CAMK4: variants seen among roughly 807,000 people sequenced by gnomAD.
CAMK4 encodes the protein calcium/calmodulin dependent protein kinase IV.
Under a neutral mutation model 44.9 loss-of-function variants are expected in CAMK4, and 22 were observed. The observed-to-expected ratio is 0.49, with a 90% confidence interval of 0.35 to 0.70. The LOEUF is 0.70. Among genes scored for constraint, CAMK4 ranks in the 30% least tolerant of loss-of-function variants. The probability of loss-of-function intolerance (pLI) is 0.01; values close to 1 mark genes in which losing one functional copy is unlikely to be tolerated. For missense variants in CAMK4, 498 were observed against 586.8 expected (o/e 0.85, Z 1.56); for synonymous variants, 218 against 215.4 (o/e 1.01, Z -0.11).
rs542504154 is a variant in CAMK4 at position 111,314,494 on chromosome 5, A to G, written c.162-29530A>G. On this transcript the variant is annotated intron_variant, in intron 1 of 10. Coordinates refer to ENST00000282356, the MANE Select transcript of CAMK4 (RefSeq NM_001744.6). ...ATTTCAAAAGTTTGCTTAATTAACT[A>G]ATAAATTTAACAGTGCCTTTAATTC... Among the ~76,000 whole-genome samples the G allele has an allele frequency of 9.9e-5, 15 of 152,202 alleles. No homozygotes were observed. In the East Asian group the frequency reaches 2.9e-3, roughly 29 times the overall value.
At chr5:111,266,680 A>G (rs756771267) in intron 1 of CAMK4, among the ~76,000 whole-genome samples, 5 of 152,194 alleles carry the variant, frequency 3.3e-5, no homozygotes, top group Non-Finnish European at 7.3e-5. Flanking sequence ...CGTTTTGGAG[A>G]TGTTTTGCCA....
intron 5 of CAMK4, among the ~76,000 whole-genome samples, chr5:111,403,622 A>G (rs142413816): frequency 1.0e-3 from 152 of 152,292 alleles, no homozygotes; most frequent in Non-Finnish European, 8.8e-5. Context: ...TAATATTTTG[A>G]TTTATAGACA....
At chr5:111,233,538 T>A (rs555752823) in intron 1 of CAMK4, among the ~76,000 whole-genome samples, 1 of 152,342 alleles carries the variant, frequency 6.6e-6, no homozygotes, top group Non-Finnish European at 1.5e-5. Flanking sequence ...ACAATGTTCA[T>A]ATCAAAAGAC....
intron 2 of CAMK4, among the ~76,000 whole-genome samples, chr5:111,360,088 C>T (rs1029054828): frequency 6.6e-6 from 1 of 152,050 alleles, no homozygotes; most frequent in Admixed American, 6.6e-5. Flanking sequence ...TTTTCTACAA[C>T]AGCATTTACT....
intron 5 of CAMK4, among the ~76,000 whole-genome samples, chr5:111,424,158 A>G (rs1234786703): frequency 6.6e-6 from 1 of 152,190 alleles, no homozygotes; most frequent in Non-Finnish European, 1.5e-5. Flanking sequence ...AGACCTAACC[A>G]TGGTAGGAAT....
At chr5:111,469,059 G>A (rs1354431716) in intron 7 of CAMK4, among the ~76,000 whole-genome samples, 2 of 147,894 alleles carry the variant, frequency 1.4e-5, no homozygotes, top group Non-Finnish European at 3.0e-5. Context: ...CACGAGAAGC[G>A]CTTGAACCCA....
chr5:111,382,997 G>A (rs866757049), intron 4 of CAMK4, among the ~76,000 whole-genome samples: 1 of 152,014 alleles, frequency 6.6e-6, no homozygotes. Context: ...ACTTTGATTT[G>A]GACTAGACTT....
intron 1 of CAMK4, among the ~76,000 whole-genome samples, chr5:111,282,124 A>G (rs1751049666): frequency 6.6e-6 from 1 of 152,026 alleles, no homozygotes. Context: ...TTTTTTCTTC[A>G]TTGCATTGTT....
At chr5:111,352,630 A>C (rs1279278852) in intron 2 of CAMK4, among the ~76,000 whole-genome samples, 3 of 116,390 alleles carry the variant, frequency 2.6e-5, no homozygotes. Flanking sequence ...AACTCATGGC[A>C]GAATAGCAGA....
chr5:111,333,221 G>T (rs2112726568), intron 1 of CAMK4, among the ~76,000 whole-genome samples: 1 of 151,580 alleles, frequency 6.6e-6, no homozygotes, highest in South Asian at 2.1e-4. Flanking sequence ...GAGGATAAAG[G>T]TTAAAAAAGA....
At chr5:111,368,461 A>T (rs1329438466) in intron 2 of CAMK4, among the ~76,000 whole-genome samples, 1 of 152,178 alleles carries the variant, frequency 6.6e-6, no homozygotes, top group African/African-American at 2.4e-5. Context: ...TTGAAAGGAG[A>T]TGGCTATCAA....
At chr5:111,338,293 A>G (rs1258480758) in intron 1 of CAMK4, among the ~76,000 whole-genome samples, 1 of 151,190 alleles carries the variant, frequency 6.6e-6, no homozygotes. Flanking sequence ...CATTATTATT[A>G]ACTATATTAT....
chr5:111,485,152 G>A lies in CAMK4; in HGVS notation c.*686G>A, dbSNP rs150910008. ...CTGCCATTTTACAACCCTGGAGGAA[G>A]TAATTTACAAACTCACGCTGAGTTC... On this transcript the variant is annotated 3_prime_UTR_variant, in exon 11 of 11. Transcript: ENST00000282356. The A allele has an allele frequency of 2.0e-5, 3 of 152,278 alleles. No individual in the cohort carries two copies. The highest frequency in any genetic ancestry group is 7.2e-5 in the African/African-American group (3 of 41,554). 9.4% of individuals were successfully genotyped at this position (152,278 alleles called of 1,614,324 possible). A position where few individuals can be genotyped will look rare whatever the true frequency, so the allele number is the denominator to read the frequency against.
At chr5:111,271,089 C>T (rs748312190) in intron 1 of CAMK4, among the ~76,000 whole-genome samples, 9 of 152,184 alleles carry the variant, frequency 5.9e-5, no homozygotes, top group Non-Finnish European at 1.3e-4. Flanking sequence ...AAACCACCTC[C>T]ATGATCCAAT....
intron 1 of CAMK4, among the ~76,000 whole-genome samples, chr5:111,330,826 A>G (rs1216906442): frequency 6.6e-6 from 1 of 151,758 alleles, no homozygotes; most frequent in Non-Finnish European, 1.5e-5. Context: ...CCATAGATCA[A>G]TAGTTAGTTG....
At chr5:111,311,323 C>T (rs1381299451) in intron 1 of CAMK4, among the ~76,000 whole-genome samples, 1 of 152,210 alleles carries the variant, frequency 6.6e-6, no homozygotes, top group East Asian at 1.9e-4. Flanking sequence ...CACTTGCTGT[C>T]CTTAGAGAAG....
intron 1 of CAMK4, among the ~76,000 whole-genome samples, chr5:111,325,817 T>G (rs1748862196): frequency 6.6e-6 from 1 of 152,092 alleles, no homozygotes; most frequent in South Asian, 2.1e-4. Flanking sequence ...TTTCTACCAT[T>G]CTGTAGATTG....
chr5:111,457,338 A>G (rs1754451227), intron 7 of CAMK4, among the ~76,000 whole-genome samples: 1 of 152,230 alleles, frequency 6.6e-6, no homozygotes, highest in African/African-American at 2.4e-5. Flanking sequence ...TAGGGAGCTT[A>G]TTGGAACATA....
At chr5:111,373,704 T>C (rs535971073) in intron 2 of CAMK4, among the ~76,000 whole-genome samples, 42 of 152,284 alleles carry the variant, frequency 2.8e-4, no homozygotes, top group African/African-American at 8.7e-4. Context: ...GTCTCTTGGA[T>C]ATGCCTATAG....
Sources: gnomAD v4.1 joint callset for allele counts (sites outside exome capture counted in the v4.1 genomes callset) on GRCh38, gnomAD v4.1.1 for gene constraint, MANE v1.5 for transcripts, NCBI Gene and HGNC (gene_info 2026-07-23, HGNC 2026-07-21) for gene names.